Variants in RBFOX1 observed in about 807,000 individuals in gnomAD.
The protein encoded by RBFOX1 is RNA binding protein fox-1 homolog 1.
In RBFOX1, 8 loss-of-function variants were observed where a neutral mutation model predicts 57.7. That is an observed-to-expected ratio of 0.14 (90% confidence interval 0.08 to 0.25). The LOEUF (loss-of-function observed/expected upper bound fraction) is 0.25, where lower values mean the gene tolerates loss of function less well. Ranked by LOEUF, RBFOX1 falls within the 10% of genes least tolerant of loss-of-function variation. RBFOX1 has a pLI of 1.00. For missense variants in RBFOX1, 611 were observed against 548.5 expected, an observed-to-expected ratio of 1.11 and a Z score of -1.14; for synonymous variants, 326 against 222.4, an observed-to-expected ratio of 1.47 and a Z score of -4.15.
intron 3 of RBFOX1, among the ~76,000 whole-genome samples, chr16:5,707,769 T>C (rs2051307502): frequency 6.6e-6 from 1 of 152,188 alleles, no homozygotes. Context: ...TAGGAAAACC[T>C]GTGTAAAGGA....
chr16:7,295,038 A>C (rs2095863466), intron 4 of RBFOX1, among the ~76,000 whole-genome samples: 1 of 152,192 alleles, frequency 6.6e-6, no homozygotes. Context: ...ATCTGGCCAG[A>C]AGTAATTTTC....
At chr16:6,103,189 C>T (rs2096335827) in intron 1 of RBFOX1, among the ~76,000 whole-genome samples, 1 of 152,134 alleles carries the variant, frequency 6.6e-6, no homozygotes, top group Admixed American at 6.5e-5. Flanking sequence ...GTCATGCAGC[C>T]TAAGAATGAA....
intron 4 of RBFOX1, among the ~76,000 whole-genome samples, chr16:7,223,856 TA>T (rs772988989): frequency 1.3e-5 from 2 of 151,722 alleles, no homozygotes; most frequent in Non-Finnish European, 2.9e-5. Flanking sequence ...AGCCATTTAT[TA>T]AAAACCATAA....
At chr16:6,482,530 T>C (rs1044564594) in intron 2 of RBFOX1, among the ~76,000 whole-genome samples, 3 of 152,240 alleles carry the variant, frequency 2.0e-5, no homozygotes, top group Admixed American at 2.0e-4. Flanking sequence ...ACTTTGATGA[T>C]ATTATTATTC....
chr16:6,992,599 T>C (rs1568267455), intron 3 of RBFOX1, among the ~76,000 whole-genome samples: 1 of 152,008 alleles, frequency 6.6e-6, no homozygotes, highest in Non-Finnish European at 1.5e-5. Context: ...TGGTGTAAAA[T>C]GCACATAAAG....
intron 4 of RBFOX1, among the ~76,000 whole-genome samples, chr16:7,256,558 C>G (rs960102655): frequency 6.6e-6 from 1 of 152,176 alleles, no homozygotes; most frequent in African/African-American, 2.4e-5. Flanking sequence ...CACTGTATGT[C>G]TGTTTATACC....
intron 4 of RBFOX1, among the ~76,000 whole-genome samples, chr16:5,944,964 TAAA>T (rs386384118): frequency 4.2e-4 from 20 of 48,052 alleles, no homozygotes; most frequent in African/African-American, 1.7e-3. Flanking sequence ...GACTCTGTCA[TAAA>T]AAAAAAAAAA....
At chr16:6,350,671 C>G (rs1384206766) in intron 2 of RBFOX1, among the ~76,000 whole-genome samples, 2 of 152,106 alleles carry the variant, frequency 1.3e-5, no homozygotes, top group Non-Finnish European at 2.9e-5. Context: ...AATCACCACC[C>G]TCTTGTGAGT....
At chr16:6,060,005 A>G (rs2095662594) in intron 1 of RBFOX1, among the ~76,000 whole-genome samples, 1 of 152,184 alleles carries the variant, frequency 6.6e-6, no homozygotes, top group Non-Finnish European at 1.5e-5. Context: ...ACTTTCTGAC[A>G]TAAATGATTG....
chr16:6,801,794 T>A (rs1382824888), intron 3 of RBFOX1, among the ~76,000 whole-genome samples: 1 of 152,134 alleles, frequency 6.6e-6, no homozygotes, highest in Non-Finnish European at 1.5e-5. Flanking sequence ...GACTCAAAAT[T>A]ACAAAGTTTT....
In RBFOX1 at chr16:5,437,007, C is replaced by G. The variant is rs370863454; in HGVS notation, c.220-30209C>G. On this transcript the variant is annotated intron_variant, in intron 1 of 2. Coordinates refer to the RBFOX1 transcript ENST00000585867. ...GACTGGCAGAAAGGGCTGTTGTTTA[C>G]TCTGATATGTCTACAGGCTGCAAGA... is the stretch of plus-strand genomic sequence containing the variant. Among the ~76,000 whole-genome samples the G allele has an allele frequency of 1.2e-4, 19 of 152,270 alleles. No homozygotes were observed. In the East Asian group the frequency reaches 3.5e-3, roughly 28 times the overall value.
chr16:6,818,443 A>G (rs577675369), intron 3 of RBFOX1, among the ~76,000 whole-genome samples: 3 of 152,188 alleles, frequency 2.0e-5, no homozygotes, highest in African/African-American at 7.2e-5. Context: ...AGAAAAAAAA[A>G]ATATTATTGA....
chr16:6,359,296 A>G (rs1029792241), intron 2 of RBFOX1, among the ~76,000 whole-genome samples: 4 of 151,842 alleles, frequency 2.6e-5, no homozygotes, highest in African/African-American at 9.7e-5. Context: ...GTTTCACCAT[A>G]TTGGCCAGGC....
At chr16:5,609,158 G>A (rs2151237787) in intron 3 of RBFOX1, among the ~76,000 whole-genome samples, 1 of 152,298 alleles carries the variant, frequency 6.6e-6, no homozygotes, top group South Asian at 2.1e-4. Flanking sequence ...TCTGTGCTGT[G>A]TATCGAAATG....
At chr16:6,597,466 G>A (rs530346734) in intron 2 of RBFOX1, among the ~76,000 whole-genome samples, 1 of 152,086 alleles carries the variant, frequency 6.6e-6, no homozygotes, top group Non-Finnish European at 1.5e-5. Flanking sequence ...AAGGTCAGGA[G>A]TTTGAGACCA....
At chr16:7,107,372 G>A (rs976326091) in intron 4 of RBFOX1, among the ~76,000 whole-genome samples, 1 of 152,112 alleles carries the variant, frequency 6.6e-6, no homozygotes, top group Non-Finnish European at 1.5e-5. Flanking sequence ...GCTCAAACTG[G>A]AAGGGGGCCA....
intron 3 of RBFOX1, among the ~76,000 whole-genome samples, chr16:6,895,097 T>C (rs2066438440): frequency 6.6e-6 from 1 of 152,040 alleles, no homozygotes; most frequent in Non-Finnish European, 1.5e-5. Flanking sequence ...CTTAAAGAAA[T>C]AAAGTCTGGT....
At chr16:6,972,618 A>C (rs921835223) in intron 3 of RBFOX1, among the ~76,000 whole-genome samples, 5 of 152,072 alleles carry the variant, frequency 3.3e-5, no homozygotes, top group Admixed American at 3.3e-4. Context: ...GACATTGATG[A>C]TGCAGGAGAA....
intron 2 of RBFOX1, among the ~76,000 whole-genome samples, chr16:6,399,577 A>G (rs936520675): frequency 2.0e-5 from 3 of 152,212 alleles, no homozygotes; most frequent in Admixed American, 2.0e-4. Flanking sequence ...AGGAAGTTCC[A>G]AACTTTGCCA....
Sources: gnomAD v4.1 joint callset for allele counts (sites outside exome capture counted in the v4.1 genomes callset) on GRCh38, gnomAD v4.1.1 for gene constraint, MANE v1.5 for transcripts, NCBI Gene and HGNC (gene_info 2026-07-23, HGNC 2026-07-21) for gene names.